Variants in SMIM35 observed in about 807,000 individuals in gnomAD.
SMIM35 encodes TMPRSS4 antisense RNA 1 (non-protein coding).
At chr11:118,012,889 C>T (rs897575724) in intron 4 of SMIM35, among the ~76,000 whole-genome samples, 2 of 152,230 alleles carry the variant, frequency 1.3e-5, no homozygotes, top group African/African-American at 4.8e-5. Flanking sequence ...GGGCAGGTAA[C>T]TGGAGATACT....
chr11:118,067,855 A>G (rs1366395975), intron 1 of SMIM35, among the ~76,000 whole-genome samples: 1 of 107,050 alleles, frequency 9.3e-6, no homozygotes, highest in African/African-American at 3.6e-5. Flanking sequence ...CAAAACAACA[A>G]CAAACATATA....
chr11:118,064,419 C>T (rs945426217), intron 1 of SMIM35, among the ~76,000 whole-genome samples: 12 of 152,132 alleles, frequency 7.9e-5, no homozygotes, highest in African/African-American at 2.7e-4. Flanking sequence ...TGGGTGTCAT[C>T]CTCAGAGTCA....
At chr11:118,043,277 CA>C (rs1330355919) in intron 1 of SMIM35, among the ~76,000 whole-genome samples, 10 of 82,058 alleles carry the variant, frequency 1.2e-4, no homozygotes, top group African/African-American at 2.8e-4. Flanking sequence ...TTTGGTAAAA[CA>C]TTTTTTTTTT....
At chr11:118,045,932 T>C (rs1703914906) in intron 1 of SMIM35, among the ~76,000 whole-genome samples, 1 of 152,230 alleles carries the variant, frequency 6.6e-6, no homozygotes, top group Non-Finnish European at 1.5e-5. Flanking sequence ...TTTAATCCTC[T>C]CTTATGTTGA....
intron 1 of SMIM35, among the ~76,000 whole-genome samples, chr11:118,045,694 A>T (rs1407183853): frequency 6.6e-6 from 1 of 152,224 alleles, no homozygotes; most frequent in East Asian, 1.9e-4. Context: ...AACTAGACCC[A>T]TTGGTTTGTT....
chr11:118,012,810 G>A (rs938021859), intron 4 of SMIM35, among the ~76,000 whole-genome samples: 1 of 152,186 alleles, frequency 6.6e-6, no homozygotes, highest in African/African-American at 2.4e-5. Context: ...ACCATGTCTG[G>A]AATCACCTCT....
At chr11:118,025,982 T>G (rs2058271179) in intron 1 of SMIM35, 1 of 304,276 alleles carries the variant, frequency 3.3e-6, no homozygotes, top group African/African-American at 2.3e-5. Flanking sequence ...TGGTGAAAGT[T>G]AGGGGTCCAG....
At chr11:118,047,670 C>T (rs539463876) in intron 1 of SMIM35, among the ~76,000 whole-genome samples, 56 of 152,180 alleles carry the variant, frequency 3.7e-4, no homozygotes, top group Non-Finnish European at 6.9e-4. Context: ...ATTTAGTGGA[C>T]GGAGAAGCCC....
chr11:118,014,430 ATGAATGG>A (rs1421470611), intron 3 of SMIM35, among the ~76,000 whole-genome samples: 2 of 147,976 alleles, frequency 1.4e-5, no homozygotes, highest in Non-Finnish European at 3.0e-5. Flanking sequence ...GGATGGATGG[ATGAATGG>A]ATGGATGGAT....
intron 1 of SMIM35, among the ~76,000 whole-genome samples, chr11:118,070,333 C>T (rs187802556): frequency 7.2e-5 from 11 of 152,216 alleles, no homozygotes; most frequent in African/African-American, 2.6e-4. Context: ...CCTACCACCA[C>T]GCCCAGCTAA....
At chr11:118,048,194 G>T (rs1353805636) in intron 1 of SMIM35, among the ~76,000 whole-genome samples, 2 of 152,204 alleles carry the variant, frequency 1.3e-5, no homozygotes, top group African/African-American at 4.8e-5. Flanking sequence ...CAAGGTTAAA[G>T]GAAGTAATTA....
intron 1 of SMIM35, among the ~76,000 whole-genome samples, chr11:118,061,617 T>C (rs1011184380): frequency 6.6e-6 from 1 of 152,004 alleles, no homozygotes; most frequent in African/African-American, 2.4e-5. Context: ...ACCTCACAGA[T>C]CCTGCTGGCC....
At chr11:118,030,333 C>A (rs920254606) in intron 1 of SMIM35, among the ~76,000 whole-genome samples, 1 of 152,150 alleles carries the variant, frequency 6.6e-6, no homozygotes, top group Admixed American at 6.5e-5. Flanking sequence ...TCGCACCCAA[C>A]TTGCAACATA....
At chr11:118,038,659 C>T (rs1485185733) in intron 1 of SMIM35, among the ~76,000 whole-genome samples, 1 of 151,522 alleles carries the variant, frequency 6.6e-6, no homozygotes, top group Non-Finnish European at 1.5e-5. Context: ...GACCCTTCTC[C>T]TGGGGCATTT....
chr11:118,037,041 C>T lies in SMIM35; in HGVS notation c.8-21232G>A, dbSNP rs570331086. Among the ~76,000 whole-genome samples the T allele has an allele frequency of 4.9e-4, 75 of 152,304 alleles. 1 individual carries two copies. In the South Asian group the frequency reaches 6.8e-3, roughly 14 times the overall value. Reference sequence around the variant, plus strand: ...CCATGTTTAAAGGTGGATGTGGTCACCTTCCCAGGTAGGCTTAGGGATTCT... The same window carrying T: ...CCATGTTTAAAGGTGGATGTGGTCATCTTCCCAGGTAGGCTTAGGGATTCT... On this transcript the variant is annotated intron_variant, in intron 1 of 4. Coordinates refer to ENST00000689828, the MANE Select transcript of SMIM35 (RefSeq NM_001394165.1).
Position 118,013,840 on chromosome 11 carries a change from T to G in SMIM35, c.199A>C (p.Ser67Arg), listed in dbSNP as rs2058162591. The change falls in exon 4 of 5, where the codon AGT becomes CGT. Residue 67 changes from serine (S) to arginine (R), a missense_variant. Physicochemically the swap from Ser to Arg is moderately radical, Grantham distance 110. Transcript: ENST00000689828. ...CCATCTGTGCTGCTGATGTGACCAC[T>G]GATGGTGAAGGGTGGACCCATCTCC... Reference protein sequence around the residue: ...DLEMGPPFTISGHISSTDGGY... With the variant: ...DLEMGPPFTIRGHISSTDGGY... 2.5e-6 allele frequency: 1 copy of G among 399,082 alleles called. No homozygotes were observed. Among genetic ancestry groups the G allele is most frequent in the East Asian group, 3.6e-5 (1 of 28,078 alleles). The allele number at this position is 399,082 out of a possible 1,614,324, so 24.7% of individuals were successfully genotyped here.
At chr11:118,074,458 G>A (rs527533829) in intron 1 of SMIM35, among the ~76,000 whole-genome samples, 1 of 152,228 alleles carries the variant, frequency 6.6e-6, no homozygotes, top group Non-Finnish European at 1.5e-5. Flanking sequence ...GGAGAATGGG[G>A]GTTCTGGGCC....
rs147552909 is a variant in SMIM35, at chr11:118,016,548, T to C, written c.8-739A>G. 3.9e-3 allele frequency among the ~76,000 whole-genome samples: 588 copies of C among 152,204 alleles called. 3 individuals are homozygous for C. The highest frequency in any genetic ancestry group is 6.8e-3 in the Middle Eastern group (2 of 294). The stretch of plus-strand genomic sequence containing the variant: ...ATGAGGTACCAGGAGTGTGGAAGAA[T>C]GGAGTGATTCCCCATTTGGTGTCCT... On this transcript the variant is annotated intron_variant, in intron 1 of 4. Coordinates refer to ENST00000689828, the MANE Select transcript of SMIM35 (RefSeq NM_001394165.1).
chr11:118,042,963 A>T (rs1275593705), intron 1 of SMIM35, among the ~76,000 whole-genome samples: 3 of 152,268 alleles, frequency 2.0e-5, no homozygotes, highest in Non-Finnish European at 4.4e-5. Flanking sequence ...TTCATGATAA[A>T]AACACTCAAC....
Sources: allele counts gnomAD v4.1 joint callset (sites outside exome capture counted in the v4.1 genomes callset), GRCh38; gene constraint gnomAD v4.1.1; transcripts MANE v1.5; gene names NCBI Gene and HGNC (gene_info 2026-07-23, HGNC 2026-07-21).